The following RAB3GAP2 variants were observed in gnomAD, a reference collection of about 807,000 sequenced individuals.
RAB3GAP2 encodes RAB3 GTPase activating non-catalytic protein subunit 2.
Under a neutral mutation model 185.3 loss-of-function variants are expected in RAB3GAP2, and 87 were observed. That is an observed-to-expected ratio of 0.47 (90% CI 0.39 to 0.56). The LOEUF (loss-of-function observed/expected upper bound fraction) is 0.56, where lower values mean the gene tolerates loss of function less well. Among genes scored for constraint, RAB3GAP2 ranks in the 20% least tolerant of loss-of-function variants. The pLI, the probability that RAB3GAP2 is intolerant of heterozygous loss-of-function variation, is 0.00. For missense variants in RAB3GAP2, 1,492 were observed against 1,638.2 expected, an observed-to-expected ratio of 0.91 and a Z score of 1.54; for synonymous variants, 554 against 576.1, an observed-to-expected ratio of 0.96 and a Z score of 0.55.
chr1:220,234,803 C>T (rs1229775010), intron 1 of RAB3GAP2, among the ~76,000 whole-genome samples: 1 of 152,144 alleles, frequency 6.6e-6, no homozygotes, highest in East Asian at 1.9e-4. Flanking sequence ...AACTTAAACT[C>T]AGTCCTTAAA....
At position 220,221,952 on chromosome 1, in the gene RAB3GAP2, A is replaced by G. The variant is rs544975739; in HGVS notation, c.181-7973T>C. ...TTTCAAAGCTTTCAACTTTAGTACGATAAGTCCATCATTTGCAATTTATGT... is the reference window on the plus strand; with the variant it reads ...TTTCAAAGCTTTCAACTTTAGTACGGTAAGTCCATCATTTGCAATTTATGT... On this transcript the variant is annotated intron_variant, in intron 2 of 34. Coordinates refer to ENST00000358951, the MANE Select transcript of RAB3GAP2 (RefSeq NM_012414.4). Among the ~76,000 whole-genome samples the G allele has an allele frequency of 2.6e-5, 4 of 152,330 alleles. No individual in the cohort carries two copies. The South Asian group carries it at 6.2e-4, about 24-fold the overall frequency.
intron 2 of RAB3GAP2, among the ~76,000 whole-genome samples, chr1:220,214,527 G>A (rs373775359): frequency 1.1e-3 from 166 of 149,230 alleles, no homozygotes; most frequent in African/African-American, 3.8e-3. Context: ...CTCTGTCTCA[G>A]GGAAAAAAAA....
At chr1:220,211,191 G>GT (rs1234952670) in intron 4 of RAB3GAP2, 189 bp from the exon 5 acceptor site, 3 of 690,942 alleles carry the variant, frequency 4.3e-6, no homozygotes, top group Non-Finnish European at 5.2e-6. Flanking sequence ...CACACAAAAT[G>GT]TAATGCCACA....
chr1:220,245,487 T>C (rs531099372), intron 1 of RAB3GAP2, among the ~76,000 whole-genome samples: 11 of 152,160 alleles, frequency 7.2e-5, no homozygotes, highest in East Asian at 5.8e-4. Context: ...CACCACGAGA[T>C]TATATCCCAC....
At chr1:220,176,120 G>A (rs905805919) in intron 21 of RAB3GAP2, among the ~76,000 whole-genome samples, 1 of 152,086 alleles carries the variant, frequency 6.6e-6, no homozygotes, top group Admixed American at 6.5e-5. Flanking sequence ...AACAGGAGAA[G>A]AGTCTAGTGT....
intron 9 of RAB3GAP2, chr1:220,200,525 C>T (rs369299442): frequency 1.7e-5 from 9 of 522,128 alleles, no homozygotes; most frequent in East Asian, 1.6e-4. Context: ...CATACAATAA[C>T]GTTTATTGTA....
At chr1:220,159,548 C>T (rs937206816) in intron 28 of RAB3GAP2, 127 bp from the exon 29 acceptor site, 13 of 686,720 alleles carry the variant, frequency 1.9e-5, no homozygotes, top group African/African-American at 3.6e-5. Context: ...ATGTGACAGC[C>T]TCATTAATTA....
At chr1:220,267,602 T>C (rs1288789956) in intron 1 of RAB3GAP2, 5 of 1,369,726 alleles carry the variant, frequency 3.7e-6, no homozygotes, top group Non-Finnish European at 4.2e-6. Context: ...TATTTTCAGG[T>C]GCCGACAGCG....
At chr1:220,205,246 G>A (rs1658941886) in intron 8 of RAB3GAP2, among the ~76,000 whole-genome samples, 1 of 152,122 alleles carries the variant, frequency 6.6e-6, no homozygotes, top group South Asian at 2.1e-4. Flanking sequence ...GGTAGTAAAA[G>A]TAAGAATTCT....
At chr1:220,171,738 C>T in intron 23 of RAB3GAP2, 151 bp downstream of exon 23, 2 of 813,978 alleles carry the variant, frequency 2.5e-6, no homozygotes, top group East Asian at 5.2e-5. Flanking sequence ...ATTCAAGTAT[C>T]CACGGCATCA....
chr1:220,246,245 G>A lies in RAB3GAP2; in HGVS notation c.116-13382C>T, dbSNP rs891665979. Among the ~76,000 whole-genome samples, 8 of 152,274 alleles carry A rather than the reference G, an allele frequency of 5.3e-5. No homozygotes were observed. The East Asian group carries it at 5.8e-4, about 11-fold the overall frequency. ...AATGAGATACCATTGCAGTTAGAAC[G>A]GCAATCATTAAAAAGTCAGGAAACA... On this transcript the variant is annotated intron_variant, in intron 1 of 34. Coordinates refer to ENST00000358951, the MANE Select transcript of RAB3GAP2 (RefSeq NM_012414.4).
intron 1 of RAB3GAP2, among the ~76,000 whole-genome samples, chr1:220,261,010 G>A (rs546214339): frequency 2.2e-4 from 34 of 152,160 alleles, no homozygotes; most frequent in South Asian, 1.7e-3. Flanking sequence ...AGGTTTTAAC[G>A]TCTGAAAGGT....
At chr1:220,262,859 T>A (rs1018867181) in intron 1 of RAB3GAP2, among the ~76,000 whole-genome samples, 16 of 152,328 alleles carry the variant, frequency 1.1e-4, no homozygotes, top group Non-Finnish European at 1.9e-4. Context: ...ATAATTTTTT[T>A]AAAATTTTTT....
At chr1:220,242,649 C>T (rs547890521) in intron 1 of RAB3GAP2, among the ~76,000 whole-genome samples, 63 of 152,308 alleles carry the variant, frequency 4.1e-4, no homozygotes, top group African/African-American at 1.5e-3. Context: ...CAGTTATAAG[C>T]ACTTCCTTGT....
intron 7 of RAB3GAP2, among the ~76,000 whole-genome samples, chr1:220,206,957 C>T (rs1043180069): frequency 5.3e-5 from 8 of 152,186 alleles, no homozygotes; most frequent in African/African-American, 1.9e-4. Context: ...ATTGGAATCA[C>T]CTTGATATCT....
chr1:220,208,601 T>G (rs1659015221), intron 7 of RAB3GAP2, among the ~76,000 whole-genome samples: 2 of 152,216 alleles, frequency 1.3e-5, no homozygotes, highest in Non-Finnish European at 2.9e-5. Flanking sequence ...AGTCCCCTAT[T>G]CCAACTTTGA....
intron 28 of RAB3GAP2, 78 bp from the exon 29 acceptor site, chr1:220,159,499 GTAACC>G (rs1657922387): frequency 8.9e-7 from 1 of 1,126,938 alleles, no homozygotes; most frequent in South Asian, 1.4e-5. Flanking sequence ...ATAATAAAAA[GTAACC>G]GAATTTAAAA....
chr1:220,237,709 C>T (rs2102894479), intron 1 of RAB3GAP2, among the ~76,000 whole-genome samples: 1 of 152,238 alleles, frequency 6.6e-6, no homozygotes, highest in South Asian at 2.1e-4. Flanking sequence ...AACCTAAGTG[C>T]TGGTCTAATT....
intron 1 of RAB3GAP2, among the ~76,000 whole-genome samples, chr1:220,239,933 G>C (rs1325009638): frequency 1.5e-5 from 2 of 136,768 alleles, no homozygotes; most frequent in Non-Finnish European, 3.1e-5. Flanking sequence ...AGGGATAGAA[G>C]AAATAATTAT....
Sources: gnomAD v4.1 joint callset for allele counts (sites outside exome capture counted in the v4.1 genomes callset) on GRCh38, gnomAD v4.1.1 for gene constraint, MANE v1.5 for transcripts, NCBI Gene and HGNC (gene_info 2026-07-23, HGNC 2026-07-21) for gene names.